KCNN3: variants seen among roughly 807,000 people sequenced by gnomAD.
KCNN3 encodes potassium calcium-activated channel subfamily N member 3, also known as small conductance calcium-activated potassium channel protein 3.
KCNN3 carries 16 observed loss-of-function variants against 62.9 expected under a neutral mutation model. The observed-to-expected ratio is 0.25, with a 90% CI of 0.17 to 0.39. KCNN3 has a LOEUF of 0.39. KCNN3 is among the 10% of genes least tolerant of loss of function. The pLI is 1.00. For missense variants in KCNN3, 599 were observed against 949.4 expected (o/e 0.63, Z 4.85); for synonymous variants, 370 against 389.2 (o/e 0.95, Z 0.58).
chr1:154,773,837 A>C (rs941271151), intron 2 of KCNN3, among the ~76,000 whole-genome samples: 4 of 152,202 alleles, frequency 2.6e-5, no homozygotes, highest in Non-Finnish European at 5.9e-5. Context: ...AAGATGAAAA[A>C]GTCATGTTTC....
At chr1:154,859,179 A>G (rs1168865122) in intron 1 of KCNN3, among the ~76,000 whole-genome samples, 2 of 152,260 alleles carry the variant, frequency 1.3e-5, no homozygotes, top group East Asian at 1.9e-4. Context: ...CATGTATGGG[A>G]GATTTTTGGG....
At chr1:154,790,246 T>C (rs1236644975) in intron 2 of KCNN3, among the ~76,000 whole-genome samples, 2 of 152,226 alleles carry the variant, frequency 1.3e-5, no homozygotes, top group African/African-American at 2.4e-5. Context: ...CACTTGCTTT[T>C]AAAAGCAGAG....
Position 154,714,565 on chromosome 1 carries a change from GT to G in KCNN3, c.1829+310del, listed in dbSNP as rs1183472831. On this transcript the variant is annotated intron_variant, in intron 6 of 7. Transcript: ENST00000271915. ...TGGGGTGTGTGTGTGTGGTGTGTGTGTGGTGTGTGTGTGTGGTGTGTATGGT... is the reference window on the plus strand; with the variant it reads ...TGGGGTGTGTGTGTGTGGTGTGTGTGGGTGTGTGTGTGTGGTGTGTATGGT... Among the ~76,000 whole-genome samples, 8 of 102,708 alleles carry G rather than the reference GT, an allele frequency of 7.8e-5. 1 individual carries two copies. The highest frequency in any genetic ancestry group is 2.5e-4 in the African/African-American group (7 of 28,524). 67.4% of individuals were successfully genotyped at this position (102,708 alleles called of 152,430 possible).
chr1:154,806,046 T>C (rs1282778432), intron 2 of KCNN3, among the ~76,000 whole-genome samples: 3 of 152,174 alleles, frequency 2.0e-5, no homozygotes, highest in Non-Finnish European at 4.4e-5. Flanking sequence ...CCCCGTGATG[T>C]CCGTGAACAC....
At chr1:154,846,885 T>A (rs1652084435) in intron 1 of KCNN3, among the ~76,000 whole-genome samples, 1 of 152,148 alleles carries the variant, frequency 6.6e-6, no homozygotes, top group African/African-American at 2.4e-5. Flanking sequence ...GACCTATCAC[T>A]ATGTTGTGAG....
At chr1:154,763,549 A>G (rs920105448) in intron 3 of KCNN3, among the ~76,000 whole-genome samples, 6 of 152,148 alleles carry the variant, frequency 3.9e-5, no homozygotes, top group African/African-American at 1.4e-4. Context: ...AAAAACTTTA[A>G]GGATGTTTTT....
At position 154,831,710 on chromosome 1, in the gene KCNN3, C is replaced by T. The variant is rs148046969; in HGVS notation, c.934-9526G>A. ...TGATTTTCTCCAGGGGTTGGAAACT[C>T]ACTTCCTCTCAATGTAGCCCTGGAG... On this transcript the variant is annotated intron_variant, in intron 1 of 7. Transcript: ENST00000271915. Among the ~76,000 whole-genome samples the T allele has an allele frequency of 8.7e-4, 133 of 152,202 alleles. 1 individual carries two copies. In the East Asian group the frequency reaches 0.024, roughly 28 times the overall value.
rs1160840090 is a variant in KCNN3, at chr1:154,704,144, A to G, written c.*3832T>C. On this transcript the variant is annotated 3_prime_UTR_variant, in exon 8 of 8. Coordinates refer to ENST00000271915, the MANE Select transcript of KCNN3 (RefSeq NM_002249.6). ...TTTTAATAATAAAAATAGCTTGTAC[A>G]TGCTCAGCGCTTGGAATTTACTTTT... is the stretch of plus-strand genomic sequence containing the variant. 6.6e-6 allele frequency: 1 copy of G among 152,252 alleles called. No individual in the cohort carries two copies. The highest frequency in any genetic ancestry group is 1.5e-5 in the Non-Finnish European group (1 of 68,038). The allele number at this position is 152,252 out of a possible 1,614,324, so 9.4% of individuals were successfully genotyped here. A position where few individuals can be genotyped will look rare whatever the true frequency, so the allele number is the denominator to read the frequency against.
At chr1:154,770,074 A>G (rs928683282) in intron 3 of KCNN3, among the ~76,000 whole-genome samples, 7 of 152,210 alleles carry the variant, frequency 4.6e-5, no homozygotes, top group African/African-American at 1.7e-4. Context: ...TGCTTTCTCC[A>G]TTGGGGGAAG....
At chr1:154,735,167 A>G (rs1700684148) in intron 3 of KCNN3, among the ~76,000 whole-genome samples, 1 of 152,170 alleles carries the variant, frequency 6.6e-6, no homozygotes, top group Non-Finnish European at 1.5e-5. Context: ...GTATCTGAAG[A>G]GACAGGACAC....
chr1:154,741,400 T>C (rs1353375594), intron 3 of KCNN3, among the ~76,000 whole-genome samples: 1 of 152,254 alleles, frequency 6.6e-6, no homozygotes, highest in Non-Finnish European at 1.5e-5. Flanking sequence ...ACTAAAATAC[T>C]TGTGGACTGA....
At chr1:154,794,366 T>A (rs1649639643) in intron 2 of KCNN3, among the ~76,000 whole-genome samples, 1 of 152,086 alleles carries the variant, frequency 6.6e-6, no homozygotes, top group Non-Finnish European at 1.5e-5. Context: ...ACTTGATGAA[T>A]GAAAAAATGA....
At chr1:154,788,352 A>G (rs557492773) in intron 2 of KCNN3, among the ~76,000 whole-genome samples, 1 of 152,242 alleles carries the variant, frequency 6.6e-6, no homozygotes, top group Non-Finnish European at 1.5e-5. Context: ...AAATGTTTGA[A>G]AAATGCTTCT....
chr1:154,843,054 C>T (rs1651902127), intron 1 of KCNN3, among the ~76,000 whole-genome samples: 1 of 152,190 alleles, frequency 6.6e-6, no homozygotes, highest in South Asian at 2.1e-4. Context: ...CAATAAATGA[C>T]AGCTATGAGT....
intron 3 of KCNN3, among the ~76,000 whole-genome samples, chr1:154,742,119 G>A (rs1462441027): frequency 6.6e-6 from 1 of 152,214 alleles, no homozygotes; most frequent in Non-Finnish European, 1.5e-5. Flanking sequence ...CCGCTTCAGG[G>A]TTGCTGTGCT....
intron 3 of KCNN3, chr1:154,737,016 A>T (rs1033690632): frequency 1.4e-6 from 1 of 701,836 alleles, no homozygotes; most frequent in South Asian, 1.5e-5. Context: ...GAGCTTCGTC[A>T]TGGAGATAAG....
chr1:154,859,097 G>A (rs768477901), intron 1 of KCNN3, among the ~76,000 whole-genome samples: 6 of 152,204 alleles, frequency 3.9e-5, no homozygotes, highest in Non-Finnish European at 8.8e-5. Flanking sequence ...TCAACCCTGA[G>A]CAACATGCCT....
chr1:154,859,650 G>C, intron 1 of KCNN3: 10 of 1,590,074 alleles, frequency 6.3e-6, no homozygotes, highest in Non-Finnish European at 8.6e-6. Context: ...CAGGTCATCT[G>C]CTTCCTCCTC....
At chr1:154,782,942 G>A (rs1050982620) in intron 2 of KCNN3, among the ~76,000 whole-genome samples, 10 of 152,268 alleles carry the variant, frequency 6.6e-5, no homozygotes, top group Admixed American at 3.9e-4. Context: ...GCTGGGCGCG[G>A]AGGCTCACGC....
Sources: gnomAD v4.1 joint callset for allele counts (sites outside exome capture counted in the v4.1 genomes callset) on GRCh38, gnomAD v4.1.1 for gene constraint, MANE v1.5 for transcripts, NCBI Gene and HGNC (gene_info 2026-07-23, HGNC 2026-07-21) for gene names.